FAM171B: variants seen among roughly 807,000 people sequenced by gnomAD.
FAM171B encodes the protein family with sequence similarity 171 member B.
Under a neutral mutation model 75.6 loss-of-function variants are expected in FAM171B, and 19 were observed. The ratio of observed to expected loss-of-function variants is 0.25; its 90% confidence interval spans 0.18 to 0.37. FAM171B has a LOEUF of 0.37. Ranked by LOEUF, FAM171B falls within the 10% of genes least tolerant of loss-of-function variation. FAM171B has a pLI of 1.00. For missense variants in FAM171B, 848 were observed against 982.4 expected, an observed-to-expected ratio of 0.86 and a Z score of 1.83; for synonymous variants, 367 against 361.7, an observed-to-expected ratio of 1.01 and a Z score of -0.17.
At chr2:186,761,413 A>AT (rs2105793616) in intron 7 of FAM171B, 66 bp from the exon 8 acceptor site, 1 of 1,508,180 alleles carries the variant, frequency 6.6e-7, no homozygotes, top group East Asian at 2.3e-5. Flanking sequence ...ATTGGGAGTG[A>AT]TTTTTAATAA....
chr2:186,723,101 C>A (rs1689979819), intron 1 of FAM171B, among the ~76,000 whole-genome samples: 2 of 152,186 alleles, frequency 1.3e-5, no homozygotes, highest in South Asian at 4.1e-4. Flanking sequence ...GGCATTGAGT[C>A]ATTAAGTTGC....
intron 4 of FAM171B, among the ~76,000 whole-genome samples, 194 bp downstream of exon 4, chr2:186,747,444 A>G (rs1271797083): frequency 6.6e-6 from 1 of 152,158 alleles, no homozygotes; most frequent in African/African-American, 2.4e-5. Context: ...ATTCAATGAA[A>G]GAAAAATTCA....
chr2:186,729,694 T>C (rs1435131410), intron 1 of FAM171B, among the ~76,000 whole-genome samples: 1 of 152,224 alleles, frequency 6.6e-6, no homozygotes, highest in African/African-American at 2.4e-5. Flanking sequence ...TTTTAAATGC[T>C]GCTTTTGCTG....
chr2:186,740,459 C>A lies in FAM171B; in HGVS notation c.470C>A (p.Pro157Gln). Residue 157 changes from proline to glutamine, a missense_variant and splice_region_variant, in exon 2 of 8, where the codon CCA becomes CAA. Physicochemically the swap from Pro to Gln is moderately conservative, Grantham distance 76. Transcript: ENST00000304698. ...TPLPWKTRRM[P>Q]IYSSVTLSLF... is the part of the protein sequence containing the mutation. ...CTGCCTTGGAAAACCAGAAGAATGC[C>A]AAGTAAGCACTTAAACAGTTTTTTT... The A allele has an allele frequency of 6.2e-7, 1 of 1,605,176 alleles. No individual in the cohort carries two copies. Among genetic ancestry groups the A allele is most frequent in the Non-Finnish European group, 8.5e-7 (1 of 1,174,348 alleles).
At chr2:186,750,809 T>C (rs186060731) in intron 4 of FAM171B, among the ~76,000 whole-genome samples, 4 of 152,276 alleles carry the variant, frequency 2.6e-5, no homozygotes, top group Admixed American at 2.0e-4. Flanking sequence ...TTATGGAATA[T>C]GGTACTATAG....
At chr2:186,715,197 G>A (rs570011864) in intron 1 of FAM171B, among the ~76,000 whole-genome samples, 2 of 152,192 alleles carry the variant, frequency 1.3e-5, no homozygotes, top group Admixed American at 6.5e-5. Context: ...TTTTGTGTGT[G>A]TGTGTGTGTT....
intron 1 of FAM171B, among the ~76,000 whole-genome samples, chr2:186,721,660 G>A (rs1689956039): frequency 6.6e-6 from 1 of 151,720 alleles, no homozygotes; most frequent in African/African-American, 2.4e-5. Context: ...AATTTTCTTG[G>A]TACTATCACT....
chr2:186,699,965 C>G (rs910403885), intron 1 of FAM171B, among the ~76,000 whole-genome samples: 11 of 152,112 alleles, frequency 7.2e-5, no homozygotes, highest in African/African-American at 2.6e-4. Flanking sequence ...GTTCTCTATT[C>G]TGTTCCATTG....
intron 1 of FAM171B, among the ~76,000 whole-genome samples, chr2:186,707,844 A>ATTTT (rs1559081568): frequency 5.3e-4 from 59 of 111,822 alleles, no homozygotes; most frequent in Admixed American, 9.8e-4. Flanking sequence ...TTTTTTTTAA[A>ATTTT]AAAAAAAAAA....
At position 186,761,981 on chromosome 2, in the gene FAM171B, C is replaced by T. The variant is rs762444532; in HGVS notation, c.1639C>T (p.Leu547Phe). 3 of 1,613,492 alleles carry T rather than the reference C, an allele frequency of 1.9e-6. No homozygotes were observed. The highest frequency in any genetic ancestry group is 1.7e-6 in the Non-Finnish European group (2 of 1,179,778). The change falls in exon 8 of 8, where the codon CTT becomes TTT. Residue 547 changes from leucine (L) to phenylalanine (F), a missense_variant. Around this residue, in one of 3 missense-constraint regions of FAM171B, gnomAD observed 665 missense variants for 729.0 expected, o/e 0.91. Transcript: ENST00000304698. The stretch of plus-strand genomic sequence containing the variant: ...CATTGCCATCCTTCAAACATCTGAC[C>T]TTTTCTCCACACCGGAACAATTACA... ...QPIAILQTSDLFSTPEQLHTA... is the reference protein window; with the variant it reads ...QPIAILQTSDFFSTPEQLHTA...
intron 1 of FAM171B, among the ~76,000 whole-genome samples, chr2:186,723,777 A>G (rs2105779769): frequency 6.6e-6 from 1 of 152,306 alleles, no homozygotes. Context: ...TTGCTTACCC[A>G]TCTTCTTGTC....
At chr2:186,729,775 G>A (rs1352497009) in intron 1 of FAM171B, among the ~76,000 whole-genome samples, 1 of 152,088 alleles carries the variant, frequency 6.6e-6, no homozygotes, top group African/African-American at 2.4e-5. Context: ...GTCAGTGAAT[G>A]AGAATTTCCT....
At chr2:186,697,176 A>T (rs1366761826) in intron 1 of FAM171B, among the ~76,000 whole-genome samples, 2 of 152,220 alleles carry the variant, frequency 1.3e-5, no homozygotes, top group African/African-American at 4.8e-5. Flanking sequence ...TAAAGTATGT[A>T]AATTTTGGAT....
chr2:186,763,108 T>C lies in FAM171B; in HGVS notation c.*285T>C, dbSNP rs1025620888. Reference sequence around the variant, plus strand: ...CTGAAAATGTTGCTCAGCCAGCCAGTTTGGCCTTGACTCTCTTAAGAATAA... The same window carrying C: ...CTGAAAATGTTGCTCAGCCAGCCAGCTTGGCCTTGACTCTCTTAAGAATAA... On this transcript the variant is annotated 3_prime_UTR_variant, in exon 8 of 8. Transcript: ENST00000304698. 7 of 326,696 alleles carry C rather than the reference T, an allele frequency of 2.1e-5. No individual in the cohort carries two copies. Among genetic ancestry groups the C allele is most frequent in the Non-Finnish European group, 3.9e-5 (7 of 177,592 alleles). The allele number at this position is 326,696 out of a possible 1,614,324, so 20.2% of individuals were successfully genotyped here.
intron 1 of FAM171B, among the ~76,000 whole-genome samples, chr2:186,708,699 C>G (rs1319290135): frequency 6.6e-6 from 1 of 152,114 alleles, no homozygotes; most frequent in Non-Finnish European, 1.5e-5. Flanking sequence ...AAGTGGCAGA[C>G]TTAAGCTCTG....
At chr2:186,724,060 G>A (rs191960697) in intron 1 of FAM171B, among the ~76,000 whole-genome samples, 2 of 152,304 alleles carry the variant, frequency 1.3e-5, no homozygotes, top group Admixed American at 1.3e-4. Context: ...GTGTTAAGAA[G>A]GTAGTATGGA....
In FAM171B at chr2:186,762,610, G is replaced by A. The variant is rs17855087; in HGVS notation, c.2268G>A (p.Glu756=). The stretch of plus-strand genomic sequence containing the variant: ...GTGGAACCACCGTCTGTTCCCCTGA[G>A]GACCCAGCTTTAAGGCACATCCTAG... The part of the protein sequence containing the change: ...SESGTTVCSP[E]DPALRHILDG... Residue 756 remains glutamate, a synonymous_variant, in exon 8 of 8, where the codon GAG becomes GAA. Transcript: ENST00000304698. This position sits in a 1 kb window ranked among gnomAD's most constrained non-coding sequence, Gnocchi z 4.0. 42,551 of 1,613,322 alleles carry A rather than the reference G, an allele frequency of 0.026. 687 individuals are homozygous for A. Among genetic ancestry groups the A allele is most frequent in the Middle Eastern group, 0.041 (249 of 6,054 alleles).
chr2:186,757,135 C>T (rs976841902), intron 6 of FAM171B, among the ~76,000 whole-genome samples: 63 of 152,114 alleles, frequency 4.1e-4, no homozygotes, highest in Non-Finnish European at 2.1e-4. Context: ...CATTCTCCTT[C>T]CTGGAGTATG....
chr2:186,761,929 A>G lies in FAM171B; in HGVS notation c.1587A>G (p.Glu529=). The G allele has an allele frequency of 1.2e-6, 2 of 1,613,410 alleles. No individual in the cohort carries two copies. Among genetic ancestry groups the G allele is most frequent in the Non-Finnish European group, 1.7e-6 (2 of 1,179,738 alleles). ...CGTATGGGCGTTCCCATATTCCTGAACAGCTTATGCATATTTACAGCCAAC... is the reference window on the plus strand; with the variant it reads ...CGTATGGGCGTTCCCATATTCCTGAGCAGCTTATGCATATTTACAGCCAAC... ...EEAYGRSHIP[E]QLMHIYSQPI... The change falls in exon 8 of 8, where the codon GAA becomes GAG. Residue 529 remains glutamate, a synonymous_variant. Transcript: ENST00000304698.
Sources: allele counts gnomAD v4.1 joint callset (sites outside exome capture counted in the v4.1 genomes callset), GRCh38; gene constraint gnomAD v4.1.1; regional missense constraint gnomAD v4.1.1; non-coding constraint Gnocchi (gnomAD v3.1); transcripts MANE v1.5; gene names NCBI Gene and HGNC (gene_info 2026-07-23, HGNC 2026-07-21).